Variants in GTF2H1 observed in about 807,000 individuals in gnomAD.
GTF2H1 encodes BTF2 p62.
A neutral mutation model predicts 71.2 loss-of-function variants in GTF2H1; 16 were observed. The ratio of observed to expected loss-of-function variants is 0.22; its 90% CI spans 0.15 to 0.34. The LOEUF (loss-of-function observed/expected upper bound fraction) is 0.34, where lower values mean the gene tolerates loss of function less well. Among genes scored for constraint, GTF2H1 ranks in the 10% least tolerant of loss-of-function variants. The pLI is 1.00. For synonymous variants in GTF2H1, 215 were observed against 219.0 expected (o/e 0.98, Z 0.16); for missense variants, 498 against 648.2 (o/e 0.77, Z 2.52).
At chr11:18,325,530 A>G (rs776939846) in intron 1 of GTF2H1, among the ~76,000 whole-genome samples, 17 of 152,230 alleles carry the variant, frequency 1.1e-4, no homozygotes, top group African/African-American at 1.4e-4. Context: ...AACCCGACAT[A>G]TATGGCCTCT....
chr11:18,351,237 A>AAAAAAAAT (rs59500473), intron 9 of GTF2H1, among the ~76,000 whole-genome samples: 2,935 of 151,072 alleles, frequency 0.019, 100 homozygotes, highest in African/African-American at 0.068. Flanking sequence ...GAAAAAAAAA[A>AAAAAAAAT]TTTTTTAAGC....
intron 7 of GTF2H1, chr11:18,341,840 C>A (rs1287752384): frequency 5.4e-6 from 2 of 367,690 alleles, no homozygotes; most frequent in Non-Finnish European, 9.8e-6. Flanking sequence ...AAATTTCTAG[C>A]TCCCTCATCC....
At chr11:18,338,425 C>CTAT (rs1182668352) in intron 4 of GTF2H1, 151 bp downstream of exon 4, 1 of 589,476 alleles carries the variant, frequency 1.7e-6, no homozygotes, top group Non-Finnish European at 3.0e-6. Context: ...TATTATTGAA[C>CTAT]TATTATTATT....
chr11:18,364,444 G>A (rs1865775168), intron 14 of GTF2H1, among the ~76,000 whole-genome samples: 1 of 152,096 alleles, frequency 6.6e-6, no homozygotes, highest in Non-Finnish European at 1.5e-5. Context: ...AGCCAGATGC[G>A]GTGGTATGCA....
chr11:18,363,271 AATAG>A (rs1477953050), intron 14 of GTF2H1, among the ~76,000 whole-genome samples: 2 of 152,236 alleles, frequency 1.3e-5, no homozygotes, highest in Non-Finnish European at 2.9e-5. Context: ...AAATACAGTA[AATAG>A]ATAAACCAGT....
chr11:18,354,520 C>G (rs923180422), intron 11 of GTF2H1, among the ~76,000 whole-genome samples: 2 of 152,174 alleles, frequency 1.3e-5, no homozygotes, highest in African/African-American at 2.4e-5. Flanking sequence ...CAACCTCAGA[C>G]TCCTAGACTC....
chr11:18,365,595 C>A (rs1052104236), intron 14 of GTF2H1, among the ~76,000 whole-genome samples, 188 bp from the exon 15 acceptor site: 1 of 152,088 alleles, frequency 6.6e-6, no homozygotes, highest in African/African-American at 2.4e-5. Context: ...CCCCTACTTT[C>A]TGTCTTTCCT....
chr11:18,328,683 A>G (rs1357526052), intron 1 of GTF2H1, among the ~76,000 whole-genome samples: 2 of 151,124 alleles, frequency 1.3e-5, no homozygotes, highest in Non-Finnish European at 2.9e-5. Context: ...AAAATTAGCC[A>G]GGCATGGTGG....
intron 5 of GTF2H1, among the ~76,000 whole-genome samples, chr11:18,340,454 C>G (rs1865130771): frequency 6.6e-6 from 1 of 151,954 alleles, no homozygotes. Context: ...CGCCAAGCTA[C>G]TTTTTGTATT....
intron 9 of GTF2H1, among the ~76,000 whole-genome samples, chr11:18,351,285 A>ATTTT (rs56307193): frequency 1.4e-5 from 2 of 140,464 alleles, no homozygotes; most frequent in Non-Finnish European, 3.1e-5. Context: ...AAGAGGCGGA[A>ATTTT]TTTTTTTTTT....
chr11:18,357,388 A>T (rs1865580855), intron 11 of GTF2H1, among the ~76,000 whole-genome samples: 1 of 150,754 alleles, frequency 6.6e-6, no homozygotes, highest in African/African-American at 2.4e-5. Flanking sequence ...TCTGCTCTTT[A>T]TTTTTTTTTC....
At chr11:18,339,455 T>C in intron 4 of GTF2H1, 109 bp from the exon 5 acceptor site, 2 of 672,804 alleles carry the variant, frequency 3.0e-6, no homozygotes, top group Middle Eastern at 5.7e-4. Context: ...TCTCTGTCTA[T>C]GCAGTTAGTT....
At chr11:18,356,713 T>C (rs1375044866) in intron 11 of GTF2H1, among the ~76,000 whole-genome samples, 1 of 151,448 alleles carries the variant, frequency 6.6e-6, no homozygotes, top group Non-Finnish European at 1.5e-5. Context: ...GCCTCCTGAG[T>C]CACTAGGATT....
At chr11:18,351,394 G>A (rs986419073) in intron 9 of GTF2H1, among the ~76,000 whole-genome samples, 1 of 150,832 alleles carries the variant, frequency 6.6e-6, no homozygotes, top group South Asian at 2.1e-4. Context: ...CGATTCTCCT[G>A]CCTCAGCCTC....
At chr11:18,356,504 C>T (rs950016810) in intron 11 of GTF2H1, among the ~76,000 whole-genome samples, 1 of 152,046 alleles carries the variant, frequency 6.6e-6, no homozygotes, top group African/African-American at 2.4e-5. Flanking sequence ...GATTATTTGA[C>T]CAATTCTTTC....
intron 11 of GTF2H1, among the ~76,000 whole-genome samples, chr11:18,353,204 G>A (rs937587485): frequency 1.3e-5 from 2 of 152,212 alleles, no homozygotes; most frequent in South Asian, 2.1e-4. Flanking sequence ...CAGCCTGGGC[G>A]ACAAGAGCGA....
intron 14 of GTF2H1, among the ~76,000 whole-genome samples, chr11:18,361,252 A>G (rs1271501997): frequency 1.3e-5 from 2 of 152,256 alleles, no homozygotes; most frequent in African/African-American, 2.4e-5. Flanking sequence ...GAATGTTGCC[A>G]TAACCCATAG....
At chr11:18,350,504 T>G (rs1865398995) in intron 9 of GTF2H1, among the ~76,000 whole-genome samples, 1 of 152,156 alleles carries the variant, frequency 6.6e-6, no homozygotes, top group Non-Finnish European at 1.5e-5. Context: ...TTTGTTCCTG[T>G]ACCATAAAGG....
chr11:18,349,042 G>A (rs1865364526), intron 9 of GTF2H1, among the ~76,000 whole-genome samples: 1 of 152,062 alleles, frequency 6.6e-6, no homozygotes, highest in Non-Finnish European at 1.5e-5. Context: ...TTACAGGCGT[G>A]CACCACCATA....
Sources: allele counts gnomAD v4.1 joint callset (sites outside exome capture counted in the v4.1 genomes callset), GRCh38; gene constraint gnomAD v4.1.1; transcripts MANE v1.5; gene names NCBI Gene and HGNC (gene_info 2026-07-23, HGNC 2026-07-21).